Variants in SFI1 observed in about 807,000 individuals in gnomAD.
SFI1 encodes the protein protein SFI1 homolog.
SFI1 carries 195 observed loss-of-function variants against 207.5 expected under a neutral mutation model. The ratio of observed to expected loss-of-function variants is 0.94; its 90% CI spans 0.84 to 1.06. The LOEUF is 1.06. Among genes scored for constraint, SFI1 ranks in the 50% least tolerant of loss-of-function variants. SFI1 has a pLI of 0.00. For missense variants in SFI1, 1,634 were observed against 1,588.0 expected (o/e 1.03, Z -0.49); for synonymous variants, 630 against 598.9 (o/e 1.05, Z -0.76).
At chr22:31,515,927 G>A (rs748831281) in intron 2 of SFI1, among the ~76,000 whole-genome samples, 5 of 151,442 alleles carry the variant, frequency 3.3e-5, no homozygotes, top group Admixed American at 1.3e-4. Flanking sequence ...TAGTAGAGAC[G>A]GAGTTTCACC....
At chr22:31,527,504 T>C (rs990775150) in intron 2 of SFI1, among the ~76,000 whole-genome samples, 1 of 152,194 alleles carries the variant, frequency 6.6e-6, no homozygotes, top group African/African-American at 2.4e-5. Context: ...GAAGGCTTAG[T>C]TGGGAGGATT....
At chr22:31,587,219 G>T (rs2065134192) in intron 14 of SFI1, 1 of 203,394 alleles carries the variant, frequency 4.9e-6, no homozygotes, top group Admixed American at 4.2e-5. Flanking sequence ...TATGTACATA[G>T]CATTGACATT....
chr22:31,519,241 C>T (rs2056905558), intron 2 of SFI1, among the ~76,000 whole-genome samples: 1 of 151,198 alleles, frequency 6.6e-6, no homozygotes, highest in Admixed American at 6.6e-5. Context: ...AACCAGCGAA[C>T]TATGCATCTA....
chr22:31,595,213 G>T (rs1190037125), intron 15 of SFI1, among the ~76,000 whole-genome samples: 1 of 151,868 alleles, frequency 6.6e-6, no homozygotes, highest in Admixed American at 6.6e-5. Context: ...GGCCAGGCTG[G>T]TCTCGAACTC....
intron 5 of SFI1, among the ~76,000 whole-genome samples, chr22:31,547,189 C>T (rs1262120930): frequency 6.6e-6 from 1 of 152,124 alleles, no homozygotes; most frequent in Non-Finnish European, 1.5e-5. Context: ...ACCTCCCACA[C>T]CTCTAATTCA....
At chr22:31,510,663 A>G (rs1408643284) in intron 2 of SFI1, among the ~76,000 whole-genome samples, 1 of 151,890 alleles carries the variant, frequency 6.6e-6, no homozygotes, top group Non-Finnish European at 1.5e-5. Context: ...TGAACTCGTG[A>G]CCTCAAATCA....
intron 15 of SFI1, among the ~76,000 whole-genome samples, chr22:31,601,418 C>T (rs992837319): frequency 3.9e-5 from 6 of 152,126 alleles, no homozygotes; most frequent in Non-Finnish European, 7.4e-5. Context: ...CCACTATGCC[C>T]GGCCAACCTT....
At chr22:31,536,290 C>T (rs1384228419) in intron 4 of SFI1, among the ~76,000 whole-genome samples, 1 of 152,182 alleles carries the variant, frequency 6.6e-6, no homozygotes, top group South Asian at 2.1e-4. Context: ...CTGTACCTTC[C>T]AACAACAGCT....
At chr22:31,499,984 TAAAAAAA>T (rs77752661) in intron 1 of SFI1, among the ~76,000 whole-genome samples, 1 of 117,836 alleles carries the variant, frequency 8.5e-6, no homozygotes, top group African/African-American at 3.4e-5. Flanking sequence ...GACTCCATCT[TAAAAAAA>T]AAAAAAAAAA....
intron 2 of SFI1, among the ~76,000 whole-genome samples, chr22:31,523,920 A>G (rs191554934): frequency 6.6e-6 from 1 of 152,108 alleles, no homozygotes; most frequent in African/African-American, 2.4e-5. Context: ...CTAAGTTGCA[A>G]CAATAGCACA....
chr22:31,598,667 T>C (rs1390962137), intron 15 of SFI1, among the ~76,000 whole-genome samples: 1 of 130,270 alleles, frequency 7.7e-6, no homozygotes, highest in Non-Finnish European at 1.6e-5. Flanking sequence ...TCCGCCCGCC[T>C]CGGCCTCCCA....
intron 15 of SFI1, among the ~76,000 whole-genome samples, chr22:31,590,846 TTTTTA>T (rs1419657232): frequency 4.0e-5 from 6 of 149,000 alleles, no homozygotes; most frequent in South Asian, 4.2e-4. Context: ...TCCCCTTCTC[TTTTTA>T]TTTTATTTTT....
At chr22:31,588,615 C>T (rs2065347090) in intron 14 of SFI1, among the ~76,000 whole-genome samples, 2 of 152,152 alleles carry the variant, frequency 1.3e-5, no homozygotes, top group South Asian at 2.1e-4. Context: ...GAGATCAAGA[C>T]CATTCTGGTC....
Position 31,618,461 on chromosome 22 carries a change from C to G in SFI1, c.*43C>G. On this transcript the variant is annotated 3_prime_UTR_variant, in exon 33 of 33. Transcript: ENST00000400288. ...CGCAGGTGCTGGGCTGTCGGGGAGG[C>G]CTCAGGCCACCTCCAGGAACAGAAC... 1 of 1,467,078 alleles carries G rather than the reference C, an allele frequency of 6.8e-7. No homozygotes were observed. Among genetic ancestry groups the G allele is most frequent in the Non-Finnish European group, 9.1e-7 (1 of 1,104,788 alleles). The allele number at this position is 1,467,078 out of a possible 1,614,324, so 90.9% of individuals were successfully genotyped here.
rs2061527505 is a variant in SFI1 at position 31,560,013 on chromosome 22, T to C, written c.663-1277T>C. The C allele has an allele frequency of 2.6e-5, 9 of 343,254 alleles. No individual in the cohort carries two copies. In the South Asian group the frequency reaches 2.7e-4, roughly 10 times the overall value. 21.3% of individuals were successfully genotyped at this position (343,254 alleles called of 1,614,324 possible). A position where few individuals can be genotyped will look rare whatever the true frequency, so the allele number is the denominator to read the frequency against. On this transcript the variant is annotated intron_variant, in intron 7 of 32. Coordinates refer to ENST00000400288, the MANE Select transcript of SFI1 (RefSeq NM_001007467.3). The stretch of plus-strand genomic sequence containing the variant: ...TAAATAAAGTAATAAATAAGTAAAA[T>C]GTTATTGGTACTGTATTGATGCTGG...
chr22:31,560,260 GA>G (rs77338200), intron 7 of SFI1, among the ~76,000 whole-genome samples: 12,888 of 144,332 alleles, frequency 0.089, 942 homozygotes, highest in East Asian at 0.39. Flanking sequence ...AAATTAGTAG[GA>G]AAAAAAAAAC....
intron 2 of SFI1, among the ~76,000 whole-genome samples, chr22:31,527,511 G>A (rs1436454629): frequency 6.6e-6 from 1 of 152,190 alleles, no homozygotes; most frequent in Non-Finnish European, 1.5e-5. Flanking sequence ...TAGTTGGGAG[G>A]ATTGCTTAAT....
intron 31 of SFI1, among the ~76,000 whole-genome samples, chr22:31,617,346 G>T (rs527533533): frequency 6.6e-6 from 1 of 152,142 alleles, no homozygotes; most frequent in African/African-American, 2.4e-5. Flanking sequence ...CCTATGGGGG[G>T]GACGATAAAG....
intron 4 of SFI1, among the ~76,000 whole-genome samples, chr22:31,541,643 C>G (rs577219768): frequency 5.4e-5 from 8 of 149,404 alleles, no homozygotes; most frequent in South Asian, 4.2e-4. Context: ...ACTCAGGAGG[C>G]TGAGGCAGGA....
Sources: gnomAD v4.1 joint callset for allele counts (sites outside exome capture counted in the v4.1 genomes callset) on GRCh38, gnomAD v4.1.1 for gene constraint, MANE v1.5 for transcripts, NCBI Gene and HGNC (gene_info 2026-07-23, HGNC 2026-07-21) for gene names.